CILP2: variants seen among roughly 807,000 people sequenced by gnomAD.
The protein encoded by CILP2 is cartilage intermediate layer protein 2, also known as CILP-2.
A neutral mutation model predicts 45.6 loss-of-function variants in CILP2; 38 were observed. The observed-to-expected ratio is 0.83, with a 90% confidence interval of 0.64 to 1.09. CILP2 has a LOEUF of 1.09. Among genes scored for constraint, CILP2 ranks in the 50% least tolerant of loss-of-function variants. The pLI is 0.00. For missense variants in CILP2, 1,735 were observed against 1,662.2 expected (o/e 1.04, Z -0.76); for synonymous variants, 780 against 723.5 (o/e 1.08, Z -1.25).
intron 6 of CILP2, 48 bp from the exon 7 acceptor site, chr19:19,543,200 C>T (rs754489375): frequency 2.5e-6 from 4 of 1,581,296 alleles, no homozygotes; most frequent in South Asian, 1.1e-5. Context: ...CTGGGGGCAA[C>T]ACAGCCCCTC....
At position 19,540,364 on chromosome 19, in the gene CILP2, C is replaced by A. The variant is rs376021345; in HGVS notation, c.324C>A (p.Ala108=). The A allele has an allele frequency of 4.5e-6, 7 of 1,546,472 alleles. No homozygotes were observed. The highest frequency in any genetic ancestry group is 6.1e-6 in the Non-Finnish European group (7 of 1,151,208). Residue 108 remains alanine, a synonymous_variant, in exon 3 of 8, where the codon GCC becomes GCA. Coordinates refer to ENST00000291495, the MANE Select transcript of CILP2 (RefSeq NM_153221.2). ...CCACGGACTGGGCCCTGCCGTCCGC[C>A]GTCGGCGAGCGCGTGCACTTGAACC... ...ARTTDWALPS[A]VGERVHLNPT...
chr19:19,544,813 G>A lies in CILP2; in HGVS notation c.2268G>A (p.Glu756=). 1 of 1,604,004 alleles carries A rather than the reference G, an allele frequency of 6.2e-7. No individual in the cohort carries two copies. The highest frequency in any genetic ancestry group is 1.3e-5 in the African/African-American group (1 of 75,048). The change falls in exon 8 of 8, where the codon GAG becomes GAA. Residue 756 remains glutamate, a synonymous_variant. Coordinates refer to ENST00000291495, the MANE Select transcript of CILP2 (RefSeq NM_153221.2). ...NDKFTPSEQV[E]GVVVTLVNLE... ...AGTTCACCCCCAGCGAGCAGGTGGA[G>A]GGCGTGGTGGTCACGCTGGTCAATC...
At chr19:19,542,715 G>T in intron 5 of CILP2, 65 bp downstream of exon 5, 5 of 1,587,626 alleles carry the variant, frequency 3.1e-6, no homozygotes, top group Non-Finnish European at 4.3e-6. Context: ...TCTAGCACTC[G>T]ATCAAGAGAG....
rs762238355 is a variant in CILP2, at chr19:19,545,184, C to G, written c.2639C>G (p.Pro880Arg). 22 of 1,612,602 alleles carry G rather than the reference C, an allele frequency of 1.4e-5. No homozygotes were observed. The highest frequency in any genetic ancestry group is 1.8e-5 in the Non-Finnish European group (21 of 1,179,868). ...DPAEANGPVYPWRSLRECQGA... is the reference protein window; with the variant it reads ...DPAEANGPVYRWRSLRECQGA... ...GCCGAGGCCAATGGGCCTGTGTACCCGTGGCGCAGCCTGCGGGAATGCCAG... is the reference window on the plus strand; with the variant it reads ...GCCGAGGCCAATGGGCCTGTGTACCGGTGGCGCAGCCTGCGGGAATGCCAG... The change falls in exon 8 of 8, where the codon CCG (proline) becomes CGG (arginine). Residue 880 changes from proline to arginine, a missense_variant. Pro to Arg is a moderately radical substitution (Grantham distance 103). Transcript: ENST00000291495.
At chr19:19,539,938 C>T (rs2061237567) in intron 2 of CILP2, among the ~76,000 whole-genome samples, 161 bp downstream of exon 2, 1 of 152,184 alleles carries the variant, frequency 6.6e-6, no homozygotes, top group Non-Finnish European at 1.5e-5. Context: ...GCCCCAAGTT[C>T]AAGATCTAAG....
In CILP2 at chr19:19,543,894, G is replaced by C; in HGVS notation, c.1349G>C (p.Cys450Ser). Residue 450 changes from cysteine to serine, a missense_variant, in exon 8 of 8, where the codon TGC (cysteine) becomes TCC (serine). Coordinates refer to ENST00000291495, the MANE Select transcript of CILP2 (RefSeq NM_153221.2). The stretch of plus-strand genomic sequence containing the variant: ...CGTCTGGAGAGAAGGGAGATTCACT[G>C]CCCTGGCTACGTCCTCCCAGTGAAG... ...VRRLERREIH[C>S]PGYVLPVKVV... 3.7e-6 allele frequency: 6 copies of C among 1,613,834 alleles called. No homozygotes were observed. The highest frequency in any genetic ancestry group is 5.1e-6 in the Non-Finnish European group (6 of 1,179,796).
In CILP2 at chr19:19,544,966, C is replaced by G; in HGVS notation, c.2421C>G (p.Ala807=). ...CDADRPDAYT[A]LVTATLGGEE... ...CCGACAGGCCAGACGCCTACACCGC[C>G]CTGGTCACCGCCACCCTGGGCGGCG... is the stretch of plus-strand genomic sequence containing the variant. The change falls in exon 8 of 8, where the codon GCC becomes GCG. Residue 807 remains alanine (A), a synonymous_variant. Coordinates refer to ENST00000291495, the MANE Select transcript of CILP2 (RefSeq NM_153221.2). 1 of 1,597,430 alleles carries G rather than the reference C, an allele frequency of 6.3e-7. No individual in the cohort carries two copies. The highest frequency in any genetic ancestry group is 1.1e-5 in the South Asian group (1 of 90,596).
chr19:19,538,398 C>A lies in CILP2; in HGVS notation c.49C>A (p.Leu17Met). The A allele has an allele frequency of 6.4e-7, 1 of 1,561,666 alleles. No individual in the cohort carries two copies. Among genetic ancestry groups the A allele is most frequent in the Non-Finnish European group, 8.6e-7 (1 of 1,162,266 alleles). ...CTGTCTCTGTGTCGTCGCTGCGCAC[C>A]TGGCGGGGGCCCGAGGTGAGGCGCC... ...LLCLCVVAAH[L>M]AGARDATPTE... Residue 17 changes from leucine to methionine, a missense_variant, in exon 1 of 8, where the codon CTG becomes ATG. Transcript: ENST00000291495.
At position 19,538,289 on chromosome 19, in the gene CILP2, C is replaced by A; in HGVS notation, c.-61C>A. 2 of 1,480,690 alleles carry A rather than the reference C, an allele frequency of 1.4e-6. No homozygotes were observed. The highest frequency in any genetic ancestry group is 5.2e-5 in the East Asian group (2 of 38,434). 91.7% of individuals were successfully genotyped at this position (1,480,690 alleles called of 1,614,324 possible). On this transcript the variant is annotated 5_prime_UTR_variant, in exon 1 of 8. Coordinates refer to ENST00000291495, the MANE Select transcript of CILP2 (RefSeq NM_153221.2). ...CAGTCCCAGCGGCCGCCAGACCCGCCGGAGTTGGACCCGAGCACGCCGCGG... is the reference window on the plus strand; with the variant it reads ...CAGTCCCAGCGGCCGCCAGACCCGCAGGAGTTGGACCCGAGCACGCCGCGG...
chr19:19,542,506 G>C lies in CILP2; in HGVS notation c.724G>C (p.Ala242Pro). Reference sequence around the variant, plus strand: ...GCCTGGCACTGTGGCCACCAGCGATGCTCACGGAACCTTCCGGGTGCCTGG... The same window carrying C: ...GCCTGGCACTGTGGCCACCAGCGATCCTCACGGAACCTTCCGGGTGCCTGG... ...DQPGTVATSD[A>P]HGTFRVPGVC... Residue 242 changes from alanine to proline, a missense_variant, in exon 5 of 8, where the codon GCT (alanine) becomes CCT (proline). Coordinates refer to ENST00000291495, the MANE Select transcript of CILP2 (RefSeq NM_153221.2). The C allele has an allele frequency of 6.2e-7, 1 of 1,613,970 alleles. No individual in the cohort carries two copies. Among genetic ancestry groups the C allele is most frequent in the Non-Finnish European group, 8.5e-7 (1 of 1,180,034 alleles).
chr19:19,544,520 G>T lies in CILP2; in HGVS notation c.1975G>T (p.Gly659Trp). The T allele has an allele frequency of 6.3e-7, 1 of 1,595,582 alleles. No homozygotes were observed. The highest frequency in any genetic ancestry group is 8.5e-7 in the Non-Finnish European group (1 of 1,175,632). Reference protein sequence around the residue: ...APGSAEQLQVGPVAVRVAASQ... With the variant: ...APGSAEQLQVWPVAVRVAASQ... ...CGGCTCCGCGGAGCAGCTGCAGGTG[G>T]GGCCGGTGGCCGTGCGGGTGGCCGC... Residue 659 changes from glycine to tryptophan, a missense_variant, in exon 8 of 8, where the codon GGG becomes TGG. Physicochemically the swap from Gly to Trp is radical, Grantham distance 184. Transcript: ENST00000291495.
At chr19:19,540,105 C>A in intron 2 of CILP2, 99 bp from the exon 3 acceptor site, 1 of 1,391,258 alleles carries the variant, frequency 7.2e-7, no homozygotes, top group East Asian at 2.7e-5. Context: ...AGCCGGTGCC[C>A]ACCGGGGGAG....
intron 5 of CILP2, 41 bp from the exon 6 acceptor site, chr19:19,542,819 AGGGT>A: frequency 6.4e-7 from 1 of 1,563,630 alleles, no homozygotes; most frequent in Non-Finnish European, 8.8e-7. Context: ...GCTCCTAGGA[AGGGT>A]GGGTGGGAGA....
In CILP2 at chr19:19,546,122, C is replaced by A; in HGVS notation, c.*106C>A. 1 of 938,288 alleles carries A rather than the reference C, an allele frequency of 1.1e-6. No individual in the cohort carries two copies. The highest frequency in any genetic ancestry group is 1.5e-6 in the Non-Finnish European group (1 of 681,952). The allele number at this position is 938,288 out of a possible 1,614,324, so 58.1% of individuals were successfully genotyped here. On this transcript the variant is annotated 3_prime_UTR_variant, in exon 8 of 8. Coordinates refer to ENST00000291495, the MANE Select transcript of CILP2 (RefSeq NM_153221.2). ...CAGCCCCCTCCCCAGGTGTCTGGGT[C>A]CCCTTTCCCGCCCCTTTCCAGAACT...
At chr19:19,541,347 T>C in intron 4 of CILP2, 101 bp downstream of exon 4, 1 of 1,078,496 alleles carries the variant, frequency 9.3e-7, no homozygotes, top group Non-Finnish European at 1.2e-6. Context: ...AGGCGGTGCC[T>C]GGATGTAGAG....
intron 1 of CILP2, among the ~76,000 whole-genome samples, chr19:19,538,788 C>T (rs1006950707): frequency 1.3e-5 from 2 of 152,312 alleles, no homozygotes; most frequent in South Asian, 2.1e-4. Context: ...CTCAATGGGG[C>T]GGGGGACGGG....
Position 19,540,467 on chromosome 19 carries a change from T to G in CILP2, c.427T>G (p.Cys143Gly), listed in dbSNP as rs754683675. The G allele has an allele frequency of 5.8e-6, 7 of 1,208,696 alleles. No homozygotes were observed. Among genetic ancestry groups the G allele is most frequent in the Non-Finnish European group, 3.1e-6 (3 of 954,740 alleles). 74.9% of individuals were successfully genotyped at this position (1,208,696 alleles called of 1,614,324 possible). ...CTCCAACTACCACGTGCGCTTCCGC[T>G]GCCCACTAGGTGAGGGCGGGGCTGG... ...RCSNYHVRFR[C>G]PLEASWGAWG... The change falls in exon 3 of 8, where the codon TGC becomes GGC. Residue 143 changes from cysteine (C) to glycine (G), a missense_variant. Coordinates refer to ENST00000291495, the MANE Select transcript of CILP2 (RefSeq NM_153221.2).
In CILP2 at chr19:19,545,050, C is replaced by T. The variant is rs759163229; in HGVS notation, c.2505C>T (p.Thr835=). The T allele has an allele frequency of 1.2e-6, 2 of 1,608,792 alleles. No homozygotes were observed. The highest frequency in any genetic ancestry group is 1.1e-5 in the South Asian group (1 of 90,830). The part of the protein sequence containing the change: ...PRPLPATVGV[T]QPYLDRLGYR... ...CACTCCCGGCCACCGTGGGCGTCACCCAGCCCTACCTGGACAGGCTGGGGT... is the reference window on the plus strand; with the variant it reads ...CACTCCCGGCCACCGTGGGCGTCACTCAGCCCTACCTGGACAGGCTGGGGT... The change falls in exon 8 of 8, where the codon ACC becomes ACT. Residue 835 remains threonine, a synonymous_variant. Coordinates refer to ENST00000291495, the MANE Select transcript of CILP2 (RefSeq NM_153221.2).
At position 19,542,861 on chromosome 19, in the gene CILP2, C is replaced by T. The variant is rs1568369441; in HGVS notation, c.869-3C>T. 6.2e-7 allele frequency: 1 copy of T among 1,611,202 alleles called. No individual in the cohort carries two copies. The highest frequency in any genetic ancestry group is 1.1e-5 in the South Asian group (1 of 91,008). ...CTCTGATCTTTACCACCTTTGACCC[C>T]AGAGAAGCCGTACCTGGTGAAACAC... On this transcript the variant is annotated splice_region_variant and splice_polypyrimidine_tract_variant and intron_variant, in intron 5 of 7. Coordinates refer to ENST00000291495, the MANE Select transcript of CILP2 (RefSeq NM_153221.2).
Sources: allele counts gnomAD v4.1 joint callset (sites outside exome capture counted in the v4.1 genomes callset), GRCh38; gene constraint gnomAD v4.1.1; transcripts MANE v1.5; gene names NCBI Gene and HGNC (gene_info 2026-07-23, HGNC 2026-07-21).